PCDHGA7: variants seen among roughly 807,000 people sequenced by gnomAD.
The protein encoded by PCDHGA7 is protocadherin gamma subfamily A, 7.
A neutral mutation model predicts 58.3 loss-of-function variants in PCDHGA7; 44 were observed. The ratio of observed to expected loss-of-function variants is 0.75; its 90% CI spans 0.59 to 0.97. The LOEUF is 0.97. PCDHGA7 is among the 50% of genes least tolerant of loss of function. The probability of loss-of-function intolerance (pLI) is 0.00; values close to 1 mark genes in which losing one functional copy is unlikely to be tolerated. For synonymous variants in PCDHGA7, 516 were observed against 504.2 expected (o/e 1.02, Z -0.31); for missense variants, 1,266 against 1,188.7 (o/e 1.06, Z -0.96).
chr5:141,391,570 A>G (rs931571256), intron 1 of PCDHGA7: 4 of 152,236 alleles, frequency 2.6e-5, no homozygotes, highest in African/African-American at 7.2e-5. Context: ...TGCATAAGAA[A>G]ATATATTCAC....
At chr5:141,410,086 G>T in intron 1 of PCDHGA7, 1 of 1,612,588 alleles carries the variant, frequency 6.2e-7, no homozygotes, top group Non-Finnish European at 8.5e-7. Flanking sequence ...AGGTGCGCAC[G>T]GCTCGAGCCT....
At chr5:141,415,123 G>T (rs1349224471) in intron 1 of PCDHGA7, 3 of 1,613,540 alleles carry the variant, frequency 1.9e-6, no homozygotes. Flanking sequence ...CGTAGTGGCC[G>T]TCCAGGACCA....
At chr5:141,456,593 G>C (rs917316601) in intron 1 of PCDHGA7, among the ~76,000 whole-genome samples, 2 of 152,168 alleles carry the variant, frequency 1.3e-5, no homozygotes, top group African/African-American at 4.8e-5. Flanking sequence ...CAATAATTTT[G>C]ATTTGATTTT....
intron 1 of PCDHGA7, chr5:141,393,572 G>C (rs1399932416): frequency 6.2e-7 from 1 of 1,613,908 alleles, no homozygotes; most frequent in South Asian, 1.1e-5. Context: ...AAGTCCTTGA[G>C]AACATGCCCC....
In PCDHGA7 at chr5:141,482,160, T is replaced by C. The variant is rs577572891; in HGVS notation, c.2425-12647T>C. Reference sequence around the variant, plus strand: ...GCATAAAAAGGTCAAGTCAAAGATATGTAAGATTAAGGCTTTACGATGCTC... The same window carrying C: ...GCATAAAAAGGTCAAGTCAAAGATACGTAAGATTAAGGCTTTACGATGCTC... On this transcript the variant is annotated intron_variant, in intron 1 of 3. Coordinates refer to ENST00000518325, the MANE Select transcript of PCDHGA7 (RefSeq NM_018920.4). 1.6e-4 allele frequency among the ~76,000 whole-genome samples: 25 copies of C among 151,966 alleles called. No homozygotes were observed. In the South Asian group the frequency reaches 4.0e-3, roughly 24 times the overall value.
At chr5:141,478,417 C>G in intron 1 of PCDHGA7, 1 of 1,613,652 alleles carries the variant, frequency 6.2e-7, no homozygotes, top group Non-Finnish European at 8.5e-7. Context: ...CGGACTCCCG[C>G]CGCAGCGACC....
Position 141,439,440 on chromosome 5 carries a change from A to T in PCDHGA7, c.2424+54117A>T, listed in dbSNP as rs147662506. 1.4e-3 allele frequency among the ~76,000 whole-genome samples: 212 copies of T among 152,330 alleles called. 1 individual carries two copies. The highest frequency in any genetic ancestry group is 4.8e-3 in the African/African-American group (198 of 41,576). On this transcript the variant is annotated intron_variant, in intron 1 of 3. Transcript: ENST00000518325. Reference sequence around the variant, plus strand: ...GGTTATAAATTCCCAGGAATATTTTATTGCGGGAGCAAGACTGCACTGCTG... The same window carrying T: ...GGTTATAAATTCCCAGGAATATTTTTTTGCGGGAGCAAGACTGCACTGCTG...
intron 1 of PCDHGA7, chr5:141,399,287 C>A: frequency 6.2e-7 from 1 of 1,613,912 alleles, no homozygotes; most frequent in Non-Finnish European, 8.5e-7. Context: ...GGCGAAGTCC[C>A]TTTTAAGATT....
rs1281337319 is a variant in PCDHGA7, at chr5:141,393,186, G to A, written c.2424+7863G>A. ...CTTTGGGGTAGAAATAGAAATAATT[G>A]ATATTAACGATAATAACCCAAAATT... On this transcript the variant is annotated intron_variant, in intron 1 of 3. Transcript: ENST00000518325. 1.2e-6 allele frequency: 2 copies of A among 1,613,188 alleles called. No homozygotes were observed. The highest frequency in any genetic ancestry group is 3.3e-5 in the Admixed American group (2 of 59,998).
chr5:141,451,812 C>G (rs974567828), intron 1 of PCDHGA7, among the ~76,000 whole-genome samples: 1 of 149,686 alleles, frequency 6.7e-6, no homozygotes, highest in Non-Finnish European at 1.5e-5. Flanking sequence ...ACCCAGGAGG[C>G]GGAGGTTACA....
chr5:141,414,210 T>G (rs1252033650), intron 1 of PCDHGA7: 1 of 1,612,706 alleles, frequency 6.2e-7, no homozygotes, highest in Admixed American at 1.7e-5. Context: ...AAGATGTAAA[T>G]GACAACAGTC....
chr5:141,409,481 A>G (rs1589715212), intron 1 of PCDHGA7: 1 of 1,613,968 alleles, frequency 6.2e-7, no homozygotes, highest in Non-Finnish European at 8.5e-7. Context: ...AGCCACTGAC[A>G]GGGGCAAGCC....
chr5:141,398,684 A>G (rs752285568), intron 1 of PCDHGA7: 1 of 1,613,958 alleles, frequency 6.2e-7, no homozygotes, highest in Admixed American at 1.7e-5. Context: ...AAGGAGAAAC[A>G]GGATGGTAGT....
rs1382764259 is a variant in PCDHGA7 at position 141,478,383 on chromosome 5, T to G, written c.2425-16424T>G. 2.5e-6 allele frequency: 4 copies of G among 1,613,630 alleles called. No individual in the cohort carries two copies. In the Admixed American group the frequency reaches 6.7e-5, roughly 27 times the overall value. Reference sequence around the variant, plus strand: ...CGGGGAGGCCTGATGTCGCCGCACCTTTACCATCAGGTGTATCTCACCACG... The same window carrying G: ...CGGGGAGGCCTGATGTCGCCGCACCGTTACCATCAGGTGTATCTCACCACG... On this transcript the variant is annotated intron_variant, in intron 1 of 3. Coordinates refer to ENST00000518325, the MANE Select transcript of PCDHGA7 (RefSeq NM_018920.4).
rs1393235114 is a variant in PCDHGA7, at chr5:141,476,581, G to T, written c.2425-18226G>T. ...CCGTGGCTCCGGGGACGCGCTTTCC[G>T]CTCGAGAGCGCGCACGATCCCGATG... On this transcript the variant is annotated intron_variant, in intron 1 of 3. Transcript: ENST00000518325. This position sits in a 1 kb window ranked among gnomAD's most constrained non-coding sequence, Gnocchi z 7.6. 8.7e-6 allele frequency: 14 copies of T among 1,614,112 alleles called. No homozygotes were observed. The Admixed American group carries it at 2.2e-4, about 25-fold the overall frequency.
chr5:141,498,578 G>T (rs1404493166), intron 2 of PCDHGA7, among the ~76,000 whole-genome samples: 1 of 152,048 alleles, frequency 6.6e-6, no homozygotes, highest in African/African-American at 2.4e-5. Flanking sequence ...CTAGTATTGA[G>T]TTCTTCAGTA....
In PCDHGA7 at chr5:141,450,826, A is replaced by AT. The variant is rs764729742; in HGVS notation, c.2425-43979dup. On this transcript the variant is annotated intron_variant, in intron 1 of 3. Coordinates refer to ENST00000518325, the MANE Select transcript of PCDHGA7 (RefSeq NM_018920.4). ...TATTTATTTATTTAATATTATTATT[A>AT]TTATTTTTTTTTTTTTGAGATGGGG... Among the ~76,000 whole-genome samples, 613 of 134,334 alleles carry AT rather than the reference A, an allele frequency of 4.6e-3. 5 individuals are homozygous for AT. Among genetic ancestry groups the AT allele is most frequent in the African/African-American group, 9.0e-3 (309 of 34,288 alleles). 88.1% of individuals were successfully genotyped at this position (134,334 alleles called of 152,430 possible).
intron 1 of PCDHGA7, among the ~76,000 whole-genome samples, chr5:141,455,419 G>T (rs1462099602): frequency 6.6e-6 from 1 of 152,124 alleles, no homozygotes; most frequent in Non-Finnish European, 1.5e-5. Flanking sequence ...AGGGAGCGGG[G>T]CTCCAAAAGA....
intron 2 of PCDHGA7, among the ~76,000 whole-genome samples, chr5:141,496,335 C>G (rs2099768099): frequency 1.3e-5 from 2 of 152,204 alleles, no homozygotes; most frequent in Admixed American, 6.5e-5. Flanking sequence ...AAGTCAGGAG[C>G]CTGGAGGAGT....
Sources: gnomAD v4.1 joint callset for allele counts (sites outside exome capture counted in the v4.1 genomes callset) on GRCh38, gnomAD v4.1.1 for gene constraint, Gnocchi (gnomAD v3.1) non-coding constraint, MANE v1.5 for transcripts, NCBI Gene and HGNC (gene_info 2026-07-23, HGNC 2026-07-21) for gene names.